The following SMYD3 variants were observed in gnomAD, a reference collection of about 807,000 sequenced individuals.
The protein encoded by SMYD3 is histone-lysine N-methyltransferase SMYD3.
A neutral mutation model predicts 57.7 loss-of-function variants in SMYD3; 36 were observed. That is an observed-to-expected ratio of 0.62 (90% confidence interval 0.48 to 0.82). The LOEUF (loss-of-function observed/expected upper bound fraction) is 0.82. Among genes scored for constraint, SMYD3 ranks in the 40% least tolerant of loss-of-function variants. SMYD3 has a pLI of 0.00. For missense variants in SMYD3, 515 were observed against 538.8 expected (o/e 0.96, Z 0.44); for synonymous variants, 211 against 195.0 (o/e 1.08, Z -0.68).
intron 11 of SMYD3, among the ~76,000 whole-genome samples, chr1:245,756,428 C>T (rs1330185579): frequency 6.6e-6 from 1 of 152,006 alleles, no homozygotes; most frequent in Non-Finnish European, 1.5e-5. Context: ...ATTTTACTTA[C>T]CCACACTTTT....
chr1:246,183,014 G>A (rs892786745), intron 5 of SMYD3, among the ~76,000 whole-genome samples: 1 of 152,278 alleles, frequency 6.6e-6, no homozygotes, highest in South Asian at 2.1e-4. Flanking sequence ...ATTTTTAGCA[G>A]ATTAAATAAT....
chr1:245,752,033 G>A (rs1306880035), intron 11 of SMYD3, among the ~76,000 whole-genome samples: 6 of 152,208 alleles, frequency 3.9e-5, no homozygotes, highest in Non-Finnish European at 7.3e-5. Context: ...TGGATCCTCC[G>A]CTGCTCTGGA....
chr1:245,827,703 T>G (rs1370224313), intron 10 of SMYD3, among the ~76,000 whole-genome samples: 1 of 152,214 alleles, frequency 6.6e-6, no homozygotes, highest in Non-Finnish European at 1.5e-5. Context: ...GGCAGGGCAC[T>G]TGATGAATGC....
intron 5 of SMYD3, among the ~76,000 whole-genome samples, chr1:246,282,349 A>AAAAAAAAAAAAAC (rs2064468892): frequency 7.1e-6 from 1 of 140,750 alleles, no homozygotes; most frequent in African/African-American, 2.6e-5. Flanking sequence ...AAGCAAAAAA[A>AAAAAAAAAAAAAC]TTAGCTGGGG....
At chr1:246,407,240 T>G (rs776278357) in intron 1 of SMYD3, among the ~76,000 whole-genome samples, 2 of 152,244 alleles carry the variant, frequency 1.3e-5, no homozygotes, top group Non-Finnish European at 2.9e-5. Context: ...TAAGGAGCAA[T>G]TCTCATATTG....
intron 10 of SMYD3, among the ~76,000 whole-genome samples, chr1:245,779,729 T>C (rs1354757791): frequency 6.6e-6 from 1 of 152,246 alleles, no homozygotes; most frequent in African/African-American, 2.4e-5. Flanking sequence ...TACTATTCTT[T>C]TGTGTTTGTG....
chr1:246,021,833 CTG>C (rs1413941211), intron 5 of SMYD3, among the ~76,000 whole-genome samples: 3 of 152,278 alleles, frequency 2.0e-5, no homozygotes, highest in Non-Finnish European at 2.9e-5. Context: ...AAAAATGAAA[CTG>C]TGCATTTCAA....
intron 5 of SMYD3, among the ~76,000 whole-genome samples, chr1:246,261,933 T>C (rs957476385): frequency 7.2e-5 from 11 of 152,204 alleles, no homozygotes; most frequent in African/African-American, 2.2e-4. Context: ...AAGATCCATA[T>C]TGTGTATAGA....
At chr1:246,342,977 C>T (rs1043525264) in intron 2 of SMYD3, among the ~76,000 whole-genome samples, 19 of 152,254 alleles carry the variant, frequency 1.2e-4, no homozygotes, top group Admixed American at 2.6e-4. Context: ...AATTCATGTA[C>T]GTTCTAATTC....
intron 5 of SMYD3, among the ~76,000 whole-genome samples, chr1:246,199,346 C>T (rs1403533299): frequency 6.6e-6 from 1 of 152,152 alleles, no homozygotes; most frequent in Non-Finnish European, 1.5e-5. Flanking sequence ...TATTTCTCTT[C>T]TATGAATGCA....
At chr1:246,033,680 G>A (rs190435243) in intron 5 of SMYD3, among the ~76,000 whole-genome samples, 42 of 152,206 alleles carry the variant, frequency 2.8e-4, no homozygotes, top group African/African-American at 8.7e-4. Flanking sequence ...TCACCTACTC[G>A]TGAGGCTGAG....
At chr1:245,794,093 T>G (rs185351205) in intron 10 of SMYD3, among the ~76,000 whole-genome samples, 34 of 152,352 alleles carry the variant, frequency 2.2e-4, no homozygotes, top group Non-Finnish European at 3.8e-4. Context: ...CCTTATCATT[T>G]TTACCTAGTA....
At chr1:245,781,315 CA>C (rs2046817469) in intron 10 of SMYD3, among the ~76,000 whole-genome samples, 1 of 152,178 alleles carries the variant, frequency 6.6e-6, no homozygotes, top group Non-Finnish European at 1.5e-5. Context: ...GCCATTTTAG[CA>C]ATCAGGAAAC....
At chr1:245,909,954 T>C (rs190326776) in intron 8 of SMYD3, among the ~76,000 whole-genome samples, 26 of 152,258 alleles carry the variant, frequency 1.7e-4, no homozygotes, top group Admixed American at 1.6e-3. Flanking sequence ...GTACTGGAAT[T>C]CCTAGCCAGA....
chr1:246,296,089 C>T (rs1024533074), intron 5 of SMYD3, among the ~76,000 whole-genome samples: 1 of 152,142 alleles, frequency 6.6e-6, no homozygotes, highest in Non-Finnish European at 1.5e-5. Flanking sequence ...TGAAAATGAA[C>T]TGATTCTAGA....
At chr1:246,409,716 G>A (rs1032328973) in intron 1 of SMYD3, among the ~76,000 whole-genome samples, 1 of 152,188 alleles carries the variant, frequency 6.6e-6, no homozygotes, top group Non-Finnish European at 1.5e-5. Context: ...TGTGAAGAAA[G>A]TCATTGGTAG....
intron 8 of SMYD3, among the ~76,000 whole-genome samples, chr1:245,865,530 C>A (rs747806330): frequency 6.6e-6 from 1 of 152,162 alleles, no homozygotes; most frequent in African/African-American, 2.4e-5. Context: ...TAGCCTGGAA[C>A]CAAAATTTCA....
At chr1:246,401,767 G>C (rs1158231182) in intron 1 of SMYD3, among the ~76,000 whole-genome samples, 1 of 149,082 alleles carries the variant, frequency 6.7e-6, no homozygotes, top group Non-Finnish European at 1.5e-5. Context: ...TTGTTGCCCA[G>C]ACTGGAGTGC....
At chr1:245,825,448 C>T (rs1367045836) in intron 10 of SMYD3, among the ~76,000 whole-genome samples, 1 of 152,206 alleles carries the variant, frequency 6.6e-6, no homozygotes, top group South Asian at 2.1e-4. Context: ...TGACAGGCGG[C>T]CCCTCTATCT....
Sources: gnomAD v4.1 joint callset for allele counts (sites outside exome capture counted in the v4.1 genomes callset) on GRCh38, gnomAD v4.1.1 for gene constraint, MANE v1.5 for transcripts, NCBI Gene and HGNC (gene_info 2026-07-23, HGNC 2026-07-21) for gene names.